KDM5B: variants seen among roughly 807,000 people sequenced by gnomAD.
KDM5B encodes lysine-specific demethylase 5B.
KDM5B carries 144 observed loss-of-function variants against 193.4 expected under a neutral mutation model. The observed-to-expected ratio is 0.74, with a 90% CI of 0.65 to 0.86. The LOEUF is 0.86. Among genes scored for constraint, KDM5B ranks in the 40% least tolerant of loss-of-function variants. KDM5B has a pLI of 0.00. For missense variants in KDM5B, 1,833 were observed against 1,886.9 expected (o/e 0.97, Z 0.53); for synonymous variants, 668 against 682.6 (o/e 0.98, Z 0.33).
chr1:202,758,531 G>T (rs542649496), intron 8 of KDM5B, 21 bp from the exon 9 acceptor site: 1 of 1,576,160 alleles, frequency 6.3e-7, no homozygotes, highest in Admixed American at 1.7e-5. Context: ...AGAAAATTAC[G>T]TTCTAGGTGA....
chr1:202,729,751 C>T lies in KDM5B; in HGVS notation c.4453G>A (p.Ala1485Thr), dbSNP rs1654805055. 6.2e-7 allele frequency: 1 copy of T among 1,614,110 alleles called. No homozygotes were observed. The highest frequency in any genetic ancestry group is 8.5e-7 in the Non-Finnish European group (1 of 1,179,976). ...SEQEDSEDED[A>T]ICPAVSCLQP... is the part of the protein sequence containing the mutation. Reference sequence around the variant, plus strand: ...AGGCAGCTCACAGCTGGGCAGATGGCATCTTCATCCTCAGAGTCTTCCTGT... The same window carrying T: ...AGGCAGCTCACAGCTGGGCAGATGGTATCTTCATCCTCAGAGTCTTCCTGT... The change falls in exon 26 of 27, where the codon GCC becomes ACC. Residue 1485 changes from alanine (A) to threonine (T), a missense_variant. Ala to Thr is a moderately conservative substitution (Grantham distance 58). Transcript: ENST00000367265.
intron 1 of KDM5B, among the ~76,000 whole-genome samples, chr1:202,781,099 T>G (rs956415677): frequency 2.2e-4 from 33 of 152,276 alleles, no homozygotes; most frequent in African/African-American, 7.7e-4. Context: ...GAGGATCACT[T>G]GAAGCTAGCA....
chr1:202,773,412 TATATATATACACACACACAC>T (rs1656802915), intron 3 of KDM5B, 124 bp from the exon 4 acceptor site: 2 of 685,240 alleles, frequency 2.9e-6, no homozygotes, highest in Non-Finnish European at 4.9e-6. Context: ...TTGCCAATCA[TATATATATACACACACACAC>T]ATATATATAC....
intron 5 of KDM5B, 97 bp from the exon 6 acceptor site, chr1:202,764,242 G>T: frequency 3.2e-6 from 2 of 617,128 alleles, no homozygotes; most frequent in African/African-American, 1.9e-5. Context: ...CCTACCAATT[G>T]CCTCTATTAA....
chr1:202,758,175 G>A (rs1356975789), intron 9 of KDM5B, among the ~76,000 whole-genome samples: 1 of 152,140 alleles, frequency 6.6e-6, no homozygotes, highest in Non-Finnish European at 1.5e-5. Context: ...AATCTGTGTG[G>A]AAGAGGTATC....
chr1:202,755,473 G>A (rs752732816), intron 10 of KDM5B, 21 bp from the exon 11 acceptor site: 7 of 1,583,706 alleles, frequency 4.4e-6, no homozygotes, highest in Non-Finnish European at 6.1e-6. Context: ...GAAGACAAAA[G>A]AGGATAAAGG....
intron 23 of KDM5B, among the ~76,000 whole-genome samples, chr1:202,732,698 G>A (rs1654932995): frequency 6.6e-6 from 1 of 151,676 alleles, no homozygotes; most frequent in Non-Finnish European, 1.5e-5. Flanking sequence ...TATGGCACAA[G>A]AGAGTTGTGG....
chr1:202,731,004 G>A lies in KDM5B; in HGVS notation c.4081C>T (p.Pro1361Ser). Reference sequence around the variant, plus strand: ...GTCTGGTAAAGTTCCTGAATTTCAGGAAGGGATACCTGGAGCAGCTGGGCT... The same window carrying A: ...GTCTGGTAAAGTTCCTGAATTTCAGAAAGGGATACCTGGAGCAGCTGGGCT... ...MEAQLLQVSLPEIQELYQTLL... is the reference protein window; with the variant it reads ...MEAQLLQVSLSEIQELYQTLL... The change falls in exon 25 of 27, where the codon CCT (proline) becomes TCT (serine). Residue 1361 changes from proline (P) to serine (S), a missense_variant. Physicochemically the swap from Pro to Ser is moderately conservative, Grantham distance 74 (BLOSUM62 -1). Coordinates refer to ENST00000367265, the MANE Select transcript of KDM5B (RefSeq NM_006618.5). The A allele has an allele frequency of 6.2e-7, 1 of 1,613,842 alleles. No individual in the cohort carries two copies. The highest frequency in any genetic ancestry group is 2.2e-5 in the East Asian group (1 of 44,876).
In KDM5B at chr1:202,735,520, G is replaced by A. The variant is rs372164654; in HGVS notation, c.3332C>T (p.Pro1111Leu). 2.5e-6 allele frequency: 4 copies of A among 1,613,808 alleles called. No homozygotes were observed. The highest frequency in any genetic ancestry group is 3.4e-6 in the Non-Finnish European group (4 of 1,179,864). ...GCTTTTTTTCTTTCCATTTGGCAAG[G>A]GCTCCTTTAACTTTCTCTGCTTCCT... Reference protein sequence around the residue: ...LKRKQRKLKEPLPNGKKKSTK... With the variant: ...LKRKQRKLKELLPNGKKKSTK... The change falls in exon 22 of 27, where the codon CCC (proline) becomes CTC (leucine). Residue 1111 changes from proline (P) to leucine (L), a missense_variant. Around this residue, in one of 3 missense-constraint regions of KDM5B, gnomAD observed 1,379 missense variants for 1,349.6 expected, o/e 1.02. Transcript: ENST00000367265.
chr1:202,753,106 C>A, intron 11 of KDM5B, 39 bp from the exon 12 acceptor site: 1 of 1,555,412 alleles, frequency 6.4e-7, no homozygotes, highest in Non-Finnish European at 8.8e-7. Flanking sequence ...TCTGCAACAC[C>A]AACACAAACA....
intron 1 of KDM5B, among the ~76,000 whole-genome samples, chr1:202,801,297 G>A (rs978833127): frequency 2.0e-5 from 3 of 152,036 alleles, no homozygotes; most frequent in Admixed American, 2.0e-4. Flanking sequence ...AGCACATATG[G>A]GATGACTCTA....
At chr1:202,734,042 T>C (rs1655001095) in intron 22 of KDM5B, among the ~76,000 whole-genome samples, 156 bp from the exon 23 acceptor site, 1 of 152,112 alleles carries the variant, frequency 6.6e-6, no homozygotes, top group South Asian at 2.1e-4. Context: ...CCTGGTGCCA[T>C]GTATTCCATT....
chr1:202,743,248 G>A (rs1418209567), intron 16 of KDM5B, among the ~76,000 whole-genome samples: 3 of 148,312 alleles, frequency 2.0e-5, no homozygotes, highest in African/African-American at 5.1e-5. Context: ...AAAGCAGGAG[G>A]ATTACTTAAA....
At chr1:202,785,514 T>C (rs1379934676) in intron 1 of KDM5B, among the ~76,000 whole-genome samples, 1 of 152,198 alleles carries the variant, frequency 6.6e-6, no homozygotes, top group Non-Finnish European at 1.5e-5. Context: ...TTAAGTTCCT[T>C]GTACCTTACG....
chr1:202,728,058 A>T lies in KDM5B; in HGVS notation c.*978T>A, dbSNP rs1286508031. The T allele has an allele frequency of 1.3e-5, 2 of 151,976 alleles. No homozygotes were observed. The highest frequency in any genetic ancestry group is 4.9e-5 in the African/African-American group (2 of 41,050). 9.4% of individuals were successfully genotyped at this position (151,976 alleles called of 1,614,324 possible). A position where few individuals can be genotyped will look rare whatever the true frequency, so the allele number is the denominator to read the frequency against. The stretch of plus-strand genomic sequence containing the variant: ...GCAGGACACAAAAGAAGAATCCCCT[A>T]ATGTTGTTTGCAGGCTAACATCCAC... On this transcript the variant is annotated 3_prime_UTR_variant, in exon 27 of 27. Coordinates refer to ENST00000367265, the MANE Select transcript of KDM5B (RefSeq NM_006618.5).
At chr1:202,798,557 T>C (rs1407320854) in intron 1 of KDM5B, among the ~76,000 whole-genome samples, 1 of 152,028 alleles carries the variant, frequency 6.6e-6, no homozygotes, top group Admixed American at 6.6e-5. Flanking sequence ...TGAGACACCA[T>C]CTCTACAAAA....
intron 1 of KDM5B, chr1:202,796,336 T>C (rs1275358941): frequency 5.5e-6 from 2 of 364,098 alleles, no homozygotes; most frequent in Non-Finnish European, 1.1e-5. Context: ...CACTGGCACC[T>C]TGGATGCCTC....
chr1:202,743,791 T>C (rs1350144926), intron 16 of KDM5B, among the ~76,000 whole-genome samples: 1 of 152,236 alleles, frequency 6.6e-6, no homozygotes, highest in African/African-American at 2.4e-5. Flanking sequence ...GCTAGCCATA[T>C]GCAGAAGATT....
intron 16 of KDM5B, among the ~76,000 whole-genome samples, chr1:202,743,709 T>A (rs889468599): frequency 6.6e-6 from 1 of 152,174 alleles, no homozygotes; most frequent in Non-Finnish European, 1.5e-5. Flanking sequence ...AACTATCTGA[T>A]CTTCAACTAA....
Sources: gnomAD v4.1 joint callset for allele counts (sites outside exome capture counted in the v4.1 genomes callset) on GRCh38, gnomAD v4.1.1 for gene constraint, gnomAD v4.1.1 regional missense constraint, MANE v1.5 for transcripts, NCBI Gene and HGNC (gene_info 2026-07-23, HGNC 2026-07-21) for gene names.